RABGAP1L: variants seen among roughly 807,000 people sequenced by gnomAD.
RABGAP1L encodes the protein rab GTPase-activating protein 1-like.
In RABGAP1L, 63 loss-of-function variants were observed where a neutral mutation model predicts 137.7. The ratio of observed to expected loss-of-function variants is 0.46; its 90% CI spans 0.37 to 0.56. The LOEUF (loss-of-function observed/expected upper bound fraction) is 0.56, where lower values mean the gene tolerates loss of function less well. Among genes scored for constraint, RABGAP1L ranks in the 20% least tolerant of loss-of-function variants. The probability of loss-of-function intolerance (pLI) is 0.00; values close to 1 mark genes in which losing one functional copy is unlikely to be tolerated. For synonymous variants in RABGAP1L, 431 were observed against 433.7 expected (o/e 0.99, Z 0.08); for missense variants, 1,095 against 1,244.0 (o/e 0.88, Z 1.80).
intron 18 of RABGAP1L, among the ~76,000 whole-genome samples, chr1:174,759,369 C>T (rs1411651941): frequency 7.4e-5 from 11 of 149,256 alleles, no homozygotes; most frequent in Middle Eastern, 3.6e-3. Context: ...CCAAGGTGGG[C>T]GGATCACTGG....
chr1:174,944,411 A>G (rs1437736849), intron 19 of RABGAP1L, among the ~76,000 whole-genome samples: 2 of 152,056 alleles, frequency 1.3e-5, no homozygotes. Context: ...TGGGAGGCCA[A>G]AGTGTACAGA....
intron 17 of RABGAP1L, among the ~76,000 whole-genome samples, chr1:174,706,455 A>G (rs1197549796): frequency 3.3e-5 from 5 of 152,162 alleles, no homozygotes; most frequent in Admixed American, 3.3e-4. Context: ...ACAAACCTAT[A>G]TCTTATTATC....
intron 11 of RABGAP1L, among the ~76,000 whole-genome samples, chr1:174,357,366 C>T (rs546156910): frequency 6.6e-6 from 1 of 152,216 alleles, no homozygotes; most frequent in East Asian, 1.9e-4. Flanking sequence ...TATTGTTTTT[C>T]CTCACCCTAA....
chr1:174,450,544 A>G (rs1204622824), intron 13 of RABGAP1L, among the ~76,000 whole-genome samples: 1 of 152,210 alleles, frequency 6.6e-6, no homozygotes, highest in East Asian at 1.9e-4. Context: ...CGCTGAGAAT[A>G]TAATATACTT....
chr1:174,308,898 A>G (rs1335274673), intron 11 of RABGAP1L, among the ~76,000 whole-genome samples: 1 of 151,658 alleles, frequency 6.6e-6, no homozygotes, highest in African/African-American at 2.4e-5. Flanking sequence ...TTTTTTTTCT[A>G]TTACTGTGAA....
chr1:174,471,901 C>T (rs949050715), intron 13 of RABGAP1L, among the ~76,000 whole-genome samples: 3 of 152,020 alleles, frequency 2.0e-5, no homozygotes, highest in Non-Finnish European at 4.4e-5. Flanking sequence ...TAGATGGGGT[C>T]ATAAGTGTGG....
At chr1:174,556,066 T>G (rs1469594908) in intron 13 of RABGAP1L, among the ~76,000 whole-genome samples, 1 of 150,774 alleles carries the variant, frequency 6.6e-6, no homozygotes, top group African/African-American at 2.4e-5. Context: ...GGCGCGATCT[T>G]GGCTCACTGC....
intron 19 of RABGAP1L, among the ~76,000 whole-genome samples, chr1:174,829,790 TATA>T (rs1234397751): frequency 4.0e-5 from 6 of 148,624 alleles, no homozygotes; most frequent in African/African-American, 7.4e-5. Flanking sequence ...TGTATGAAGT[TATA>T]ATCACATTTT....
intron 19 of RABGAP1L, among the ~76,000 whole-genome samples, chr1:174,835,493 C>T (rs1211188962): frequency 2.0e-5 from 3 of 152,094 alleles, no homozygotes; most frequent in Non-Finnish European, 1.5e-5. Flanking sequence ...CATTTAAATT[C>T]ACATTCCTGG....
intron 1 of RABGAP1L, among the ~76,000 whole-genome samples, chr1:174,205,769 CTTCAG>C (rs1180710066): frequency 3.3e-5 from 5 of 152,152 alleles, no homozygotes; most frequent in Admixed American, 1.3e-4. Context: ...TCTCTATTTA[CTTCAG>C]TTCAGCTCTG....
At chr1:174,919,875 T>C (rs1277005653) in intron 19 of RABGAP1L, among the ~76,000 whole-genome samples, 1 of 152,008 alleles carries the variant, frequency 6.6e-6, no homozygotes, top group Non-Finnish European at 1.5e-5. Flanking sequence ...AAAAGAATTA[T>C]TCAAACCAAA....
intron 13 of RABGAP1L, among the ~76,000 whole-genome samples, chr1:174,483,924 A>G (rs887783773): frequency 7.9e-5 from 12 of 152,128 alleles, no homozygotes; most frequent in Non-Finnish European, 1.5e-4. Flanking sequence ...TATATACTCA[A>G]TAGTGGAATT....
chr1:174,424,917 G>A (rs530116066), intron 13 of RABGAP1L, among the ~76,000 whole-genome samples: 11 of 152,050 alleles, frequency 7.2e-5, no homozygotes, highest in African/African-American at 2.6e-4. Context: ...GCCAACAATA[G>A]GATTATCTTT....
intron 19 of RABGAP1L, among the ~76,000 whole-genome samples, chr1:174,861,692 C>T (rs1650297359): frequency 6.6e-6 from 1 of 152,030 alleles, no homozygotes; most frequent in South Asian, 2.1e-4. Flanking sequence ...TTGTATTTCC[C>T]TAATGATTAA....
chr1:174,394,484 G>A (rs1038150217), intron 13 of RABGAP1L, among the ~76,000 whole-genome samples: 2 of 151,874 alleles, frequency 1.3e-5, no homozygotes, highest in African/African-American at 4.8e-5. Context: ...ATCATACATA[G>A]TTACTCTTGT....
intron 13 of RABGAP1L, among the ~76,000 whole-genome samples, chr1:174,438,725 C>CAAA (rs1558234823): frequency 0.013 from 1,455 of 108,256 alleles, 80 homozygotes; most frequent in African/African-American, 0.044. Context: ...CAAAAAAAAC[C>CAAA]CAAAAAAAGT....
At chr1:174,663,472 A>G (rs1033215323) in intron 14 of RABGAP1L, among the ~76,000 whole-genome samples, 2 of 152,216 alleles carry the variant, frequency 1.3e-5, no homozygotes, top group African/African-American at 4.8e-5. Context: ...AATAAGCTGT[A>G]TCACCTGAGT....
chr1:174,336,853 A>ATGTGTGTGTGTGTGTGTG (rs148867931), intron 11 of RABGAP1L, among the ~76,000 whole-genome samples: 2 of 146,470 alleles, frequency 1.4e-5, no homozygotes, highest in Non-Finnish European at 3.0e-5. Flanking sequence ...GTGTTTATAA[A>ATGTGTGTGTGTGTGTGTG]TGTGTGTGTG....
chr1:174,422,268 A>G (rs750105089), intron 13 of RABGAP1L, among the ~76,000 whole-genome samples: 5 of 152,016 alleles, frequency 3.3e-5, no homozygotes, highest in Admixed American at 6.6e-5. Context: ...TATTTTATAT[A>G]TATTATACAT....
Sources: allele counts gnomAD v4.1 joint callset (sites outside exome capture counted in the v4.1 genomes callset), GRCh38; gene constraint gnomAD v4.1.1; transcripts MANE v1.5; gene names NCBI Gene and HGNC (gene_info 2026-07-23, HGNC 2026-07-21).